Variants in KCNQ3 observed in about 807,000 individuals in gnomAD.
The protein encoded by KCNQ3 is potassium voltage-gated channel subfamily KQT member 3.
In KCNQ3, 30 loss-of-function variants were observed where a neutral mutation model predicts 92.5. The ratio of observed to expected loss-of-function variants is 0.32; its 90% CI spans 0.24 to 0.44. KCNQ3 has a LOEUF of 0.44. KCNQ3 is among the 20% of genes least tolerant of loss of function. The pLI is 1.00. For synonymous variants in KCNQ3, 450 were observed against 468.8 expected (o/e 0.96, Z 0.52); for missense variants, 913 against 1,140.3 (o/e 0.80, Z 2.87).
chr8:132,137,028 A>AT (rs34860665), intron 12 of KCNQ3, among the ~76,000 whole-genome samples: 91,001 of 140,976 alleles, frequency 0.65, 29,814 homozygotes, highest in Middle Eastern at 0.83. Flanking sequence ...CCATGCCTGG[A>AT]TTTTTTTTTT....
At chr8:132,426,733 T>C (rs544621665) in intron 1 of KCNQ3, among the ~76,000 whole-genome samples, 1 of 152,198 alleles carries the variant, frequency 6.6e-6, no homozygotes, top group Non-Finnish European at 1.5e-5. Context: ...AAAAACTTCC[T>C]TGCCAAGAAC....
At chr8:132,311,157 T>C (rs1817581572) in intron 1 of KCNQ3, among the ~76,000 whole-genome samples, 1 of 152,180 alleles carries the variant, frequency 6.6e-6, no homozygotes, top group South Asian at 2.1e-4. Context: ...CTCGATCTCC[T>C]GACCTCAGGA....
At chr8:132,191,255 TCCCATCTGTA>T (rs1380250396) in intron 1 of KCNQ3, among the ~76,000 whole-genome samples, 1 of 152,140 alleles carries the variant, frequency 6.6e-6, no homozygotes, top group African/African-American at 2.4e-5. Context: ...CAAGTGATCC[TCCCATCTGTA>T]GTAGCTGGGA....
intron 1 of KCNQ3, among the ~76,000 whole-genome samples, chr8:132,314,267 CAAT>C (rs1181147908): frequency 3.9e-5 from 6 of 152,164 alleles, no homozygotes; most frequent in South Asian, 4.2e-4. Context: ...CCAACAACAA[CAAT>C]AACTCCAGCA....
chr8:132,464,563 T>C (rs1338281050), intron 1 of KCNQ3, among the ~76,000 whole-genome samples: 1 of 152,216 alleles, frequency 6.6e-6, no homozygotes, highest in Non-Finnish European at 1.5e-5. Context: ...TTCCTTTGTA[T>C]CACTTTCAGC....
chr8:132,190,747 A>G (rs1172371737), intron 1 of KCNQ3, among the ~76,000 whole-genome samples: 1 of 152,254 alleles, frequency 6.6e-6, no homozygotes, highest in Admixed American at 6.5e-5. Flanking sequence ...AGATTAAAAA[A>G]TTGTATGTTG....
intron 4 of KCNQ3, among the ~76,000 whole-genome samples, 159 bp downstream of exon 4, chr8:132,179,998 G>A (rs962320654): frequency 3.3e-5 from 5 of 152,090 alleles, no homozygotes; most frequent in Non-Finnish European, 7.3e-5. Context: ...CCCCAGCCCC[G>A]CCACTTCCTG....
chr8:132,292,039 C>T (rs752209330), intron 1 of KCNQ3, among the ~76,000 whole-genome samples: 14 of 152,272 alleles, frequency 9.2e-5, no homozygotes, highest in Non-Finnish European at 1.5e-4. Context: ...GTTCATTGCC[C>T]ACACATTTAA....
In KCNQ3 at chr8:132,480,174, C is replaced by T; in HGVS notation, c.359G>A (p.Gly120Asp). The change falls in exon 1 of 15, where the codon GGC (glycine) becomes GAC (aspartate). Residue 120 changes from glycine to aspartate, a missense_variant. By Grantham distance (94) the Gly-to-Asp change is moderately conservative. Transcript: ENST00000388996. ...CAACGCGTGGTAAAGCAGCGCCCAGCCCCGCGGTCTCTCCAGGGCGTCGTA... is the reference window on the plus strand; with the variant it reads ...CAACGCGTGGTAAAGCAGCGCCCAGTCCCGCGGTCTCTCCAGGGCGTCGTA... ...LIYDALERPR[G>D]WALLYHALVF... 1 of 1,612,902 alleles carries T rather than the reference C, an allele frequency of 6.2e-7. No individual in the cohort carries two copies. The highest frequency in any genetic ancestry group is 8.5e-7 in the Non-Finnish European group (1 of 1,179,258).
intron 1 of KCNQ3, among the ~76,000 whole-genome samples, chr8:132,412,999 G>T (rs1287094569): frequency 6.6e-6 from 1 of 152,238 alleles, no homozygotes; most frequent in Non-Finnish European, 1.5e-5. Flanking sequence ...TCACAGTGGA[G>T]TACACACTAG....
At chr8:132,266,031 A>G (rs975540291) in intron 1 of KCNQ3, among the ~76,000 whole-genome samples, 107 of 152,158 alleles carry the variant, frequency 7.0e-4, no homozygotes, top group Non-Finnish European at 4.6e-4. Context: ...CAGACAATTC[A>G]TCTCTTAGAG....
At chr8:132,471,398 G>T (rs1321476166) in intron 1 of KCNQ3, among the ~76,000 whole-genome samples, 2 of 152,160 alleles carry the variant, frequency 1.3e-5, no homozygotes, top group Non-Finnish European at 2.9e-5. Context: ...AGTCAATACG[G>T]ATGGCCTGAG....
At chr8:132,304,994 G>A (rs1406655811) in intron 1 of KCNQ3, among the ~76,000 whole-genome samples, 1 of 152,120 alleles carries the variant, frequency 6.6e-6, no homozygotes, top group Non-Finnish European at 1.5e-5. Flanking sequence ...CAATAAGTGT[G>A]CTGGTTCTTC....
chr8:132,164,265 C>A (rs573351210), intron 8 of KCNQ3, among the ~76,000 whole-genome samples: 2 of 149,902 alleles, frequency 1.3e-5, no homozygotes, highest in African/African-American at 5.1e-5. Context: ...CTACACTGAG[C>A]AAATCCCCTC....
intron 1 of KCNQ3, among the ~76,000 whole-genome samples, chr8:132,320,410 C>G (rs143887814): frequency 6.6e-6 from 1 of 152,110 alleles, no homozygotes; most frequent in Non-Finnish European, 1.5e-5. Flanking sequence ...GTCTTTCTTG[C>G]CTGTTTTGCC....
intron 1 of KCNQ3, among the ~76,000 whole-genome samples, chr8:132,358,129 C>T (rs1337874068): frequency 3.3e-5 from 5 of 152,180 alleles, no homozygotes; most frequent in African/African-American, 1.2e-4. Context: ...AACTTCAGGG[C>T]CATCCATAAA....
chr8:132,206,275 CT>C lies in KCNQ3; in HGVS notation c.387-20095del, dbSNP rs1813654295. Among the ~76,000 whole-genome samples, 6 of 152,280 alleles carry C rather than the reference CT, an allele frequency of 3.9e-5. No homozygotes were observed. The South Asian group carries it at 1.2e-3, about 32-fold the overall frequency. On this transcript the variant is annotated intron_variant, in intron 1 of 14. Coordinates refer to ENST00000388996, the MANE Select transcript of KCNQ3 (RefSeq NM_004519.4). ...TCTAATTCTGCCCTGCCAGGCTTTT[CT>C]TCAGCATTTCCCACTGCAAGTCCAA... is the stretch of plus-strand genomic sequence containing the variant.
chr8:132,480,601 C>A lies in KCNQ3; in HGVS notation c.-69G>T. On this transcript the variant is annotated 5_prime_UTR_variant, in exon 1 of 15. Coordinates refer to ENST00000388996, the MANE Select transcript of KCNQ3 (RefSeq NM_004519.4). ...CTGGGAAGAAGGGGCGCTCGGGGTG[C>A]GTGAACGAGGCGGCGGCGGCGGCTG... 2 of 1,219,822 alleles carry A rather than the reference C, an allele frequency of 1.6e-6. No homozygotes were observed. Among genetic ancestry groups the A allele is most frequent in the Non-Finnish European group, 1.0e-6 (1 of 957,916 alleles). The allele number at this position is 1,219,822 out of a possible 1,614,324, so 75.6% of individuals were successfully genotyped here.
chr8:132,181,935 C>T (rs1161906996), intron 3 of KCNQ3, among the ~76,000 whole-genome samples: 1 of 151,812 alleles, frequency 6.6e-6, no homozygotes, highest in East Asian at 1.9e-4. Flanking sequence ...GTCTCAGCTA[C>T]TTGGGAGGCT....
Sources: gnomAD v4.1 joint callset for allele counts (sites outside exome capture counted in the v4.1 genomes callset) on GRCh38, gnomAD v4.1.1 for gene constraint, MANE v1.5 for transcripts, NCBI Gene and HGNC (gene_info 2026-07-23, HGNC 2026-07-21) for gene names.